The following GRIK1 variants were observed in gnomAD, a reference collection of about 807,000 sequenced individuals.
GRIK1 encodes the protein glutamate ionotropic receptor kainate type subunit 1.
Under a neutral mutation model 105.7 loss-of-function variants are expected in GRIK1, and 69 were observed. That is an observed-to-expected ratio of 0.65 (90% confidence interval 0.54 to 0.80). The LOEUF is 0.80. Among genes scored for constraint, GRIK1 ranks in the 30% least tolerant of loss-of-function variants. The pLI is 0.00. For missense variants in GRIK1, 1,109 were observed against 1,167.3 expected (o/e 0.95, Z 0.73); for synonymous variants, 438 against 431.3 (o/e 1.02, Z -0.19).
At chr21:29,592,247 A>G (rs1485824343) in intron 9 of GRIK1, among the ~76,000 whole-genome samples, 1 of 152,036 alleles carries the variant, frequency 6.6e-6, no homozygotes, top group East Asian at 1.9e-4. Flanking sequence ...TTATCTGTTT[A>G]CCTGTCTTGT....
intron 1 of GRIK1, among the ~76,000 whole-genome samples, chr21:29,867,848 G>A (rs2068854851): frequency 7.2e-6 from 1 of 138,568 alleles, no homozygotes; most frequent in African/African-American, 2.7e-5. Context: ...AAGAAGGAAG[G>A]AAAGAGAGAA....
chr21:29,806,332 C>T (rs1240815238), intron 1 of GRIK1, among the ~76,000 whole-genome samples: 2 of 151,772 alleles, frequency 1.3e-5, no homozygotes, highest in Non-Finnish European at 2.9e-5. Context: ...AATAACAAAC[C>T]AATTATCCAA....
chr21:29,553,850 C>T (rs2146122749), intron 16 of GRIK1: 1 of 544,280 alleles, frequency 1.8e-6, no homozygotes, highest in East Asian at 3.0e-5. Flanking sequence ...CTTTTATTTT[C>T]CAAATTAGTT....
intron 1 of GRIK1, among the ~76,000 whole-genome samples, chr21:29,930,102 T>C (rs2071515850): frequency 6.6e-6 from 1 of 152,198 alleles, no homozygotes; most frequent in Non-Finnish European, 1.5e-5. Flanking sequence ...CAATCATTTA[T>C]AAAGGTTCTT....
At chr21:29,865,481 T>C (rs2068772970) in intron 1 of GRIK1, among the ~76,000 whole-genome samples, 1 of 152,220 alleles carries the variant, frequency 6.6e-6, no homozygotes, top group South Asian at 2.1e-4. Flanking sequence ...AATAATCAGC[T>C]CTGCTAGTTC....
At chr21:29,931,561 T>G (rs2071563947) in intron 1 of GRIK1, among the ~76,000 whole-genome samples, 1 of 152,204 alleles carries the variant, frequency 6.6e-6, no homozygotes, top group South Asian at 2.1e-4. Context: ...TACTTATTTA[T>G]TTAATCATTT....
rs568539980 is a variant in GRIK1 at position 29,748,526 on chromosome 21, G to A, written c.119-54463C>T. ...TTTCCACAAATTTGGCCAGAGACAT[G>A]ACAATTTGGGCAACTTTGTGCAATG... On this transcript the variant is annotated intron_variant, in intron 1 of 17. Transcript: ENST00000327783. Among the ~76,000 whole-genome samples the A allele has an allele frequency of 1.7e-4, 26 of 152,300 alleles. No homozygotes were observed. The South Asian group carries it at 5.4e-3, about 32-fold the overall frequency.
chr21:29,937,566 C>A (rs994036271), intron 1 of GRIK1, among the ~76,000 whole-genome samples: 6 of 152,170 alleles, frequency 3.9e-5, no homozygotes, highest in African/African-American at 1.4e-4. Context: ...TTAAAGCATC[C>A]TTTTCCCTTC....
At chr21:29,638,536 G>A (rs750107655) in intron 7 of GRIK1, among the ~76,000 whole-genome samples, 2 of 152,110 alleles carry the variant, frequency 1.3e-5, no homozygotes, top group Non-Finnish European at 2.9e-5. Context: ...CCCGTAAAGT[G>A]CAATACAGAA....
At position 29,709,245 on chromosome 21, in the gene GRIK1, T is replaced by C. The variant is rs536902058; in HGVS notation, c.119-15182A>G. 8.6e-5 allele frequency among the ~76,000 whole-genome samples: 13 copies of C among 151,926 alleles called. No individual in the cohort carries two copies. In the South Asian group the frequency reaches 1.5e-3, roughly 17 times the overall value. ...GTTCTAAAACTTGCTGGTAAATAAA[T>C]GACACTTTCTATAGGATCCATTTAC... On this transcript the variant is annotated intron_variant, in intron 1 of 17. Transcript: ENST00000327783.
In GRIK1 at chr21:29,819,503, AAG is replaced by A. The variant is rs2067241761; in HGVS notation, c.118+119878_118+119879del. ...TCTGTGTGTGTGTGTGTGAGAGAGA[AAG>A]AGACTTTAGATTTTCTTCTTTCTAT... On this transcript the variant is annotated intron_variant, in intron 1 of 17. Coordinates refer to ENST00000327783, the MANE Select transcript of GRIK1 (RefSeq NM_001330994.2). Among the ~76,000 whole-genome samples the A allele has an allele frequency of 5.3e-5, 8 of 152,102 alleles. No individual in the cohort carries two copies. The South Asian group carries it at 1.7e-3, about 32-fold the overall frequency.
At chr21:29,701,791 C>A (rs1218341104) in intron 1 of GRIK1, among the ~76,000 whole-genome samples, 3 of 152,026 alleles carry the variant, frequency 2.0e-5, no homozygotes, top group Admixed American at 6.6e-5. Flanking sequence ...TGGCTTTGTA[C>A]AAATTAGTGG....
chr21:29,900,687 T>C lies in GRIK1; in HGVS notation c.118+38696A>G, dbSNP rs981102708. ...GACTTAGACTCCCACACAATAATAATGGGAGACTTTAACACTCCACTGTCA... is the reference window on the plus strand; with the variant it reads ...GACTTAGACTCCCACACAATAATAACGGGAGACTTTAACACTCCACTGTCA... On this transcript the variant is annotated intron_variant, in intron 1 of 17. Coordinates refer to ENST00000327783, the MANE Select transcript of GRIK1 (RefSeq NM_001330994.2). Among the ~76,000 whole-genome samples the C allele has an allele frequency of 7.9e-5, 12 of 152,186 alleles. No homozygotes were observed. In the South Asian group the frequency reaches 1.2e-3, roughly 16 times the overall value.
At chr21:29,885,101 T>C (rs1193549064) in intron 1 of GRIK1, among the ~76,000 whole-genome samples, 2 of 152,080 alleles carry the variant, frequency 1.3e-5, no homozygotes, top group African/African-American at 4.8e-5. Context: ...TAATTATGCA[T>C]ATTTATTGAG....
intron 1 of GRIK1, among the ~76,000 whole-genome samples, chr21:29,865,735 C>T (rs958110258): frequency 3.9e-5 from 6 of 152,274 alleles, no homozygotes; most frequent in African/African-American, 1.4e-4. Flanking sequence ...GTGAAAGATG[C>T]ATAGTAACTT....
intron 3 of GRIK1, among the ~76,000 whole-genome samples, chr21:29,674,284 C>A (rs2063222464): frequency 6.9e-6 from 1 of 145,178 alleles, no homozygotes; most frequent in Non-Finnish European, 1.5e-5. Flanking sequence ...CCAGAAGTTA[C>A]ATTTGTGTGT....
At chr21:29,841,939 C>T (rs2067994723) in intron 1 of GRIK1, among the ~76,000 whole-genome samples, 2 of 152,134 alleles carry the variant, frequency 1.3e-5, no homozygotes, top group African/African-American at 4.8e-5. Flanking sequence ...TTGACTGTTT[C>T]TCACGTGCAA....
chr21:29,764,801 T>G (rs1443743172), intron 1 of GRIK1, among the ~76,000 whole-genome samples: 1 of 152,212 alleles, frequency 6.6e-6, no homozygotes, highest in Non-Finnish European at 1.5e-5. Context: ...TTCCTTTTGA[T>G]AGTTTGGATG....
At chr21:29,796,507 A>C (rs2066559482) in intron 1 of GRIK1, among the ~76,000 whole-genome samples, 1 of 152,130 alleles carries the variant, frequency 6.6e-6, no homozygotes, top group Admixed American at 6.6e-5. Flanking sequence ...TCTATTGCGT[A>C]TCATATAAAA....
Sources: allele counts gnomAD v4.1 joint callset (sites outside exome capture counted in the v4.1 genomes callset), GRCh38; gene constraint gnomAD v4.1.1; transcripts MANE v1.5; gene names NCBI Gene and HGNC (gene_info 2026-07-23, HGNC 2026-07-21).